PTPRD: variants seen among roughly 807,000 people sequenced by gnomAD.
PTPRD encodes the protein receptor-type tyrosine-protein phosphatase delta.
A neutral mutation model predicts 214.5 loss-of-function variants in PTPRD; 34 were observed. That is an observed-to-expected ratio of 0.16 (90% CI 0.12 to 0.21). The LOEUF is 0.21. Ranked by LOEUF, PTPRD falls within the 10% of genes least tolerant of loss-of-function variation. The pLI, the probability that PTPRD is intolerant of heterozygous loss-of-function variation, is 1.00. For synonymous variants in PTPRD, 1,128 were observed against 845.7 expected, an observed-to-expected ratio of 1.33 and a Z score of -5.79; for missense variants, 2,545 against 2,398.7, an observed-to-expected ratio of 1.06 and a Z score of -1.27.
At chr9:8,919,872 CATGT>C (rs2098814072) in intron 11 of PTPRD, among the ~76,000 whole-genome samples, 1 of 151,498 alleles carries the variant, frequency 6.6e-6, no homozygotes. Flanking sequence ...GATGTACATG[CATGT>C]ATCATGCATA....
intron 2 of PTPRD, among the ~76,000 whole-genome samples, chr9:10,576,217 A>G (rs928094142): frequency 2.0e-5 from 3 of 152,130 alleles, no homozygotes; most frequent in African/African-American, 7.2e-5. Context: ...TTTTTCCATC[A>G]TAAGTTGTAA....
At chr9:9,238,970 G>A (rs1053005639) in intron 9 of PTPRD, among the ~76,000 whole-genome samples, 2 of 152,082 alleles carry the variant, frequency 1.3e-5, no homozygotes, top group African/African-American at 4.8e-5. Context: ...CAGCCACGGT[G>A]TGTCTTTTTC....
chr9:9,149,951 A>G (rs2099875245), intron 10 of PTPRD, among the ~76,000 whole-genome samples: 1 of 152,174 alleles, frequency 6.6e-6, no homozygotes, highest in Non-Finnish European at 1.5e-5. Context: ...CTCTGGTGAA[A>G]CTAAGTACAG....
chr9:9,029,893 TG>T (rs2099599059), intron 10 of PTPRD, among the ~76,000 whole-genome samples: 1 of 151,962 alleles, frequency 6.6e-6, no homozygotes, highest in Admixed American at 6.6e-5. Flanking sequence ...ATGACCACCT[TG>T]GTAGAATTGA....
intron 2 of PTPRD, among the ~76,000 whole-genome samples, chr9:10,397,865 A>G (rs1280341739): frequency 6.6e-6 from 1 of 151,974 alleles, no homozygotes; most frequent in Admixed American, 6.6e-5. Context: ...GGTTTGTGTA[A>G]GTACACTCCA....
intron 3 of PTPRD, among the ~76,000 whole-genome samples, chr9:10,256,067 G>A (rs1293547917): frequency 6.6e-6 from 1 of 152,196 alleles, no homozygotes; most frequent in Admixed American, 6.5e-5. Context: ...AACTGCATAT[G>A]TGAGGAGTCT....
intron 2 of PTPRD, among the ~76,000 whole-genome samples, chr9:10,477,098 A>C (rs769808947): frequency 6.6e-6 from 1 of 152,206 alleles, no homozygotes; most frequent in Non-Finnish European, 1.5e-5. Context: ...TAAAACACAA[A>C]AAGCAATGGC....
chr9:9,955,724 C>T (rs920364865), intron 4 of PTPRD, among the ~76,000 whole-genome samples: 6 of 152,174 alleles, frequency 3.9e-5, no homozygotes, highest in Middle Eastern at 3.4e-3. Flanking sequence ...AGGGTTTCAC[C>T]GTGTTAGCCA....
intron 8 of PTPRD, among the ~76,000 whole-genome samples, chr9:9,566,445 C>A (rs1393572965): frequency 2.6e-5 from 4 of 151,926 alleles, no homozygotes; most frequent in Non-Finnish European, 4.4e-5. Flanking sequence ...TCTGTACGTG[C>A]TTTTCGATTA....
chr9:8,806,412 C>A (rs376375422), intron 11 of PTPRD, among the ~76,000 whole-genome samples: 2 of 152,048 alleles, frequency 1.3e-5, no homozygotes, highest in African/African-American at 2.4e-5. Flanking sequence ...AAAACACAAC[C>A]AATATTCATA....
At position 9,441,749 on chromosome 9, in the gene PTPRD, C is replaced by G. The variant is rs2087944555; in HGVS notation, c.-236-44267G>C. On this transcript the variant is annotated intron_variant, in intron 8 of 45. Transcript: ENST00000381196. ...ATGAATGAATTTGGCATTAATGTCCCTTTTGAATATTTATGCTAAAATGAT... is the reference window on the plus strand; with the variant it reads ...ATGAATGAATTTGGCATTAATGTCCGTTTTGAATATTTATGCTAAAATGAT... Among the ~76,000 whole-genome samples the G allele has an allele frequency of 3.3e-5, 5 of 152,038 alleles. No individual in the cohort carries two copies. In the South Asian group the frequency reaches 1.0e-3, roughly 32 times the overall value.
chr9:8,505,069 C>G (rs1281883634), intron 22 of PTPRD, among the ~76,000 whole-genome samples: 1 of 152,076 alleles, frequency 6.6e-6, no homozygotes, highest in African/African-American at 2.4e-5. Context: ...GAATAAAGAA[C>G]CCACAGCCAG....
chr9:9,246,012 T>C (rs972939407), intron 9 of PTPRD, among the ~76,000 whole-genome samples: 1 of 152,106 alleles, frequency 6.6e-6, no homozygotes, highest in Admixed American at 6.6e-5. Context: ...ATCACTAGTT[T>C]TACTGCACTT....
At chr9:10,241,992 C>A (rs2091157993) in intron 3 of PTPRD, among the ~76,000 whole-genome samples, 1 of 151,838 alleles carries the variant, frequency 6.6e-6, no homozygotes, top group Non-Finnish European at 1.5e-5. Flanking sequence ...TTAATTTAAA[C>A]AACACGCTGT....
chr9:10,583,575 C>G (rs2072828416), intron 2 of PTPRD, among the ~76,000 whole-genome samples: 1 of 151,916 alleles, frequency 6.6e-6, no homozygotes, highest in Non-Finnish European at 1.5e-5. Context: ...CCTCAGCCTC[C>G]TGAGTAGCTG....
intron 9 of PTPRD, among the ~76,000 whole-genome samples, chr9:9,194,690 G>C (rs900849093): frequency 6.6e-6 from 1 of 152,130 alleles, no homozygotes; most frequent in Non-Finnish European, 1.5e-5. Context: ...ATACTTATAT[G>C]GGTTTAACTT....
chr9:10,125,507 T>C (rs945655427), intron 3 of PTPRD, among the ~76,000 whole-genome samples: 2 of 150,110 alleles, frequency 1.3e-5, no homozygotes, highest in African/African-American at 2.4e-5. Flanking sequence ...CAGGTTGTAG[T>C]GCAGTGGCGC....
At chr9:9,447,339 A>G (rs1266585632) in intron 8 of PTPRD, among the ~76,000 whole-genome samples, 1 of 152,210 alleles carries the variant, frequency 6.6e-6, no homozygotes, top group Non-Finnish European at 1.5e-5. Flanking sequence ...GACAGCCATA[A>G]AAAATGAGAT....
intron 5 of PTPRD, among the ~76,000 whole-genome samples, chr9:9,821,058 G>T (rs2050536823): frequency 6.6e-6 from 1 of 152,042 alleles, no homozygotes; most frequent in Non-Finnish European, 1.5e-5. Flanking sequence ...TCTGTATATT[G>T]CTTCGGGCAG....
Sources: gnomAD v4.1 joint callset for allele counts (sites outside exome capture counted in the v4.1 genomes callset) on GRCh38, gnomAD v4.1.1 for gene constraint, MANE v1.5 for transcripts, NCBI Gene and HGNC (gene_info 2026-07-23, HGNC 2026-07-21) for gene names.